The following CHD8 variants were observed in gnomAD, a reference collection of about 807,000 sequenced individuals.
CHD8 encodes the protein ATP-dependent chromatin remodeler CHD8.
In CHD8, 31 loss-of-function variants were observed where a neutral mutation model predicts 279.2. The ratio of observed to expected loss-of-function variants is 0.11; its 90% CI spans 0.08 to 0.15. The LOEUF (loss-of-function observed/expected upper bound fraction) is 0.15, where lower values mean the gene tolerates loss of function less well. CHD8 is among the 10% of genes least tolerant of loss of function. The pLI is 1.00. For missense variants in CHD8, 2,146 were observed against 3,230.5 expected (o/e 0.66, Z 8.14); for synonymous variants, 1,081 against 1,139.6 (o/e 0.95, Z 1.04).
chr14:21,397,396 T>C lies in CHD8; in HGVS notation c.5051+427A>G, dbSNP rs77545594. 2,396 of 516,912 alleles carry C rather than the reference T, an allele frequency of 4.6e-3. 44 individuals are homozygous for C. The East Asian group carries it at 0.053, about 11-fold the overall frequency. The allele number at this position is 516,912 out of a possible 1,614,324, so 32.0% of individuals were successfully genotyped here. On this transcript the variant is annotated intron_variant, in intron 27 of 37. Coordinates refer to ENST00000646647, the MANE Select transcript of CHD8 (RefSeq NM_001170629.2). ...TCAGTATTAGCATGGCAACTCATCA[T>C]TGGGACATGTTTTCAGGCAAAATAA...
intron 34 of CHD8, 134 bp from the exon 35 acceptor site, chr14:21,392,080 A>G (rs550938546): frequency 3.1e-5 from 24 of 777,866 alleles, no homozygotes; most frequent in Non-Finnish European, 5.3e-5. Flanking sequence ...ATCTGACTAA[A>G]GGGTAAAATT....
chr14:21,394,615 A>AG (rs1887695597), intron 30 of CHD8, 130 bp from the exon 31 acceptor site: 1 of 570,066 alleles, frequency 1.8e-6, no homozygotes, highest in Non-Finnish European at 2.9e-6. Context: ...CAAAAAAAAA[A>AG]AAAAAAAAAG....
At chr14:21,424,318 A>G (rs1889199612) in intron 5 of CHD8, among the ~76,000 whole-genome samples, 3 of 152,152 alleles carry the variant, frequency 2.0e-5, no homozygotes, top group Admixed American at 2.0e-4. Context: ...AATTTCCACA[A>G]GTATTTGAGT....
intron 1 of CHD8, among the ~76,000 whole-genome samples, chr14:21,438,027 T>C (rs1323304495): frequency 6.6e-6 from 1 of 152,140 alleles, no homozygotes; most frequent in Non-Finnish European, 1.5e-5. Context: ...AACCCCAGAA[T>C]GATGGTGTGC....
chr14:21,393,745 G>T lies in CHD8; in HGVS notation c.6050C>A (p.Pro2017His), dbSNP rs1346436964. 1 of 1,613,766 alleles carries T rather than the reference G, an allele frequency of 6.2e-7. No homozygotes were observed. Among genetic ancestry groups the T allele is most frequent in the Non-Finnish European group, 8.5e-7 (1 of 1,179,860 alleles). ...CTTTAAAGTCAGACTCTCCAGACTG[G>T]GGACCTGGGTAGCTGTCTCCTCGGG... ...KSPEETATQVPSLESLTLKLE... is the reference protein window; with the variant it reads ...KSPEETATQVHSLESLTLKLE... Residue 2017 changes from proline (P) to histidine (H), a missense_variant, in exon 32 of 38, where the codon CCC becomes CAC. Physicochemically the swap from Pro to His is moderately conservative, Grantham distance 77. Transcript: ENST00000646647.
In CHD8 at chr14:21,386,148, C is replaced by T. The variant is rs1215236234; in HGVS notation, c.7211G>A (p.Arg2404Gln). 16 of 1,552,016 alleles carry T rather than the reference C, an allele frequency of 1.0e-5. No homozygotes were observed. The highest frequency in any genetic ancestry group is 2.7e-5 in the African/African-American group (2 of 73,096). ...KGHHTETVFN[R>Q]VLPGPIAPES... ...TGGTGCAATAGGCCCTGGCAAAACC[C>T]GGTTGAACACCGTTTCAGTGTGATG... Residue 2404 changes from arginine to glutamine, a missense_variant, in exon 38 of 38, where the codon CGG becomes CAG. Coordinates refer to ENST00000646647, the MANE Select transcript of CHD8 (RefSeq NM_001170629.2).
rs975854547 is a variant in CHD8, at chr14:21,395,847, G to C, written c.5097C>G (p.Leu1699=). Residue 1699 remains leucine (L), a synonymous_variant, in exon 28 of 38, where the codon CTC becomes CTG. Transcript: ENST00000646647. Reference sequence around the variant, plus strand: ...CATCTTGGTCCTTTGGGGGACCTTGGAGTGGTTTATATTCAGGATCTTCAC... The same window carrying C: ...CATCTTGGTCCTTTGGGGGACCTTGCAGTGGTTTATATTCAGGATCTTCAC... ...KDCEDPEYKP[L]QGPPKDQDDE... is the part of the protein sequence containing the mutation. 1.4e-5 allele frequency: 22 copies of C among 1,611,584 alleles called. No individual in the cohort carries two copies. Among genetic ancestry groups the C allele is most frequent in the Non-Finnish European group, 1.8e-5 (21 of 1,178,160 alleles).
intron 14 of CHD8, among the ~76,000 whole-genome samples, chr14:21,406,208 T>C (rs1021303941): frequency 6.6e-6 from 1 of 152,246 alleles, no homozygotes; most frequent in African/African-American, 2.4e-5. Flanking sequence ...CTCTATGGAA[T>C]GTAACTGAGC....
chr14:21,409,735 T>C (rs916914983), intron 11 of CHD8, 116 bp downstream of exon 11: 6 of 970,048 alleles, frequency 6.2e-6, no homozygotes, highest in Non-Finnish European at 9.2e-6. Context: ...ATTTCTTCGA[T>C]TTTTATATGT....
chr14:21,429,515 G>A, intron 2 of CHD8, 180 bp from the exon 3 acceptor site: 2 of 770,444 alleles, frequency 2.6e-6, no homozygotes, highest in South Asian at 1.4e-5. Flanking sequence ...TTTTTAGACA[G>A]GGTCTCGCTG....
At chr14:21,420,925 G>A (rs181957248) in intron 5 of CHD8, among the ~76,000 whole-genome samples, 88 of 152,212 alleles carry the variant, frequency 5.8e-4, no homozygotes, top group East Asian at 2.9e-3. Context: ...ACCATGCCCA[G>A]CTAATTTTGT....
chr14:21,397,625 C>T, intron 27 of CHD8, 198 bp downstream of exon 27: 1 of 546,466 alleles, frequency 1.8e-6, no homozygotes, highest in East Asian at 3.2e-5. Context: ...AAGTGACATT[C>T]ATTTTCACCC....
Position 21,393,475 on chromosome 14 carries a change from C to A in CHD8, c.6319+1G>T. 1 of 1,559,918 alleles carries A rather than the reference C, an allele frequency of 6.4e-7. No homozygotes were observed. On this transcript the variant is annotated splice_donor_variant, in intron 32 of 37. Coordinates refer to ENST00000646647, the MANE Select transcript of CHD8 (RefSeq NM_001170629.2). LOFTEE classifies it high-confidence loss of function. ...GCCAACAGCCTGTCACATGCACTCACTTAGCTTCTCTTCCTTCTCATCCTC... is the reference window on the plus strand; with the variant it reads ...GCCAACAGCCTGTCACATGCACTCAATTAGCTTCTCTTCCTTCTCATCCTC...
In CHD8 at chr14:21,405,545, T is replaced by C. The variant is rs1888221863; in HGVS notation, c.3052-81A>G. 1.3e-6 allele frequency: 2 copies of C among 1,529,986 alleles called. No homozygotes were observed. Among genetic ancestry groups the C allele is most frequent in the Admixed American group, 2.0e-5 (1 of 49,450 alleles). 94.8% of individuals were successfully genotyped at this position (1,529,986 alleles called of 1,614,324 possible). A position where few individuals can be genotyped will look rare whatever the true frequency, so the allele number is the denominator to read the frequency against. On this transcript the variant is annotated intron_variant, in intron 15 of 37. Transcript: ENST00000646647. The surrounding 1 kb of genome is among the most constrained non-coding windows in gnomAD (Gnocchi z 4.2). ...ACATTATGTAGAAACATGGAAAAAT[T>C]AGAGTTTTCCACTATCTAAGAAATG...
chr14:21,420,518 G>A (rs1332133181), intron 5 of CHD8, among the ~76,000 whole-genome samples: 2 of 152,174 alleles, frequency 1.3e-5, no homozygotes, highest in East Asian at 3.9e-4. Flanking sequence ...CTACTTTTGT[G>A]TATGTCTGAA....
In CHD8 at chr14:21,452,505, C is replaced by T. The variant is rs187578966; in HGVS notation, c.-216+3527G>A. Among the ~76,000 whole-genome samples, 8 of 151,104 alleles carry T rather than the reference C, an allele frequency of 5.3e-5. No homozygotes were observed. The East Asian group carries it at 1.6e-3, about 31-fold the overall frequency. ...CTAAAAATACAAAAAATTAGCCAGG[C>T]GTGGTGGCACACGCCTTAACCCCAG... On this transcript the variant is annotated intron_variant, in intron 1 of 37. Transcript: ENST00000646647.
intron 13 of CHD8, 107 bp from the exon 14 acceptor site, chr14:21,407,139 C>G (rs932736085): frequency 4.8e-6 from 4 of 828,004 alleles, no homozygotes; most frequent in Non-Finnish European, 7.4e-6. Context: ...GCAATACAAA[C>G]TGCACCACCA....
chr14:21,438,147 G>A (rs1447588798), intron 1 of CHD8, among the ~76,000 whole-genome samples: 3 of 152,138 alleles, frequency 2.0e-5, no homozygotes, highest in South Asian at 2.1e-4. Flanking sequence ...TGCAACCTCC[G>A]CCTCGCGTGT....
In CHD8 at chr14:21,400,008, T is replaced by G; in HGVS notation, c.4790A>C (p.Glu1597Ala). The G allele has an allele frequency of 6.2e-7, 1 of 1,613,488 alleles. No individual in the cohort carries two copies. Among genetic ancestry groups the G allele is most frequent in the Non-Finnish European group, 8.5e-7 (1 of 1,179,840 alleles). ...GGCAATCGCACCCCCTAACACCTTT[T>G]CTGCTTGGTCTCCAATAACCTCCTG... is the stretch of plus-strand genomic sequence containing the variant. ...LRQEVIGDQA[E>A]KVLGGAIASE... Residue 1597 changes from glutamate to alanine, a missense_variant, in exon 25 of 38, where the codon GAA becomes GCA. Physicochemically the swap from Glu to Ala is moderately radical, Grantham distance 107. Around this residue, in one of 26 missense-constraint regions of CHD8, gnomAD observed 33 missense variants for 34.8 expected, o/e 0.95. Transcript: ENST00000646647. This position sits in a 1 kb window ranked among gnomAD's most constrained non-coding sequence, Gnocchi z 4.2.
Sources: gnomAD v4.1 joint callset for allele counts (sites outside exome capture counted in the v4.1 genomes callset) on GRCh38, gnomAD v4.1.1 for gene constraint, gnomAD v4.1.1 regional missense constraint, Gnocchi (gnomAD v3.1) non-coding constraint, MANE v1.5 for transcripts, NCBI Gene and HGNC (gene_info 2026-07-23, HGNC 2026-07-21) for gene names.